The following CEP112 variants were observed in gnomAD, a reference collection of about 807,000 sequenced individuals.
The protein encoded by CEP112 is centrosomal protein of 112 kDa.
A neutral mutation model predicts 153.0 loss-of-function variants in CEP112; 127 were observed. The observed-to-expected ratio is 0.83, with a 90% CI of 0.72 to 0.96. The LOEUF is 0.96. Ranked by LOEUF, CEP112 falls within the 40% of genes least tolerant of loss-of-function variation. CEP112 has a pLI of 0.00. For synonymous variants in CEP112, 358 were observed against 374.4 expected (o/e 0.96, Z 0.51); for missense variants, 1,089 against 1,101.2 (o/e 0.99, Z 0.16).
chr17:66,017,531 T>C (rs985414477), intron 16 of CEP112, among the ~76,000 whole-genome samples: 1 of 152,220 alleles, frequency 6.6e-6, no homozygotes, highest in African/African-American at 2.4e-5. Flanking sequence ...AATTTGTTTT[T>C]TCTTAATTGA....
intron 4 of CEP112, among the ~76,000 whole-genome samples, chr17:66,152,609 GAA>G (rs1248058736): frequency 6.6e-6 from 1 of 152,020 alleles, no homozygotes; most frequent in Admixed American, 6.5e-5. Flanking sequence ...TGTGAAGATC[GAA>G]AAGATAAAAG....
rs376588901 is a variant in CEP112, at chr17:66,158,641, C to A, written c.470+16403G>T. Among the ~76,000 whole-genome samples, 15 of 152,166 alleles carry A rather than the reference C, an allele frequency of 9.9e-5. 1 individual carries two copies. The South Asian group carries it at 3.1e-3, about 32-fold the overall frequency. On this transcript the variant is annotated intron_variant, in intron 4 of 26. Coordinates refer to ENST00000535342, the MANE Select transcript of CEP112 (RefSeq NM_001199165.4). ...AAATAAAAAAAGAAATAAAGTTGTT[C>A]TTTGAAACCAATGAGAACAAACACA...
At chr17:66,025,725 C>G (rs1425094702) in intron 16 of CEP112, among the ~76,000 whole-genome samples, 1 of 151,872 alleles carries the variant, frequency 6.6e-6, no homozygotes, top group Non-Finnish European at 1.5e-5. Context: ...GTATAATCTC[C>G]AAGGAAAACA....
intron 18 of CEP112, among the ~76,000 whole-genome samples, chr17:65,948,506 T>C (rs1251252058): frequency 6.6e-6 from 1 of 152,050 alleles, no homozygotes; most frequent in Admixed American, 6.6e-5. Context: ...ATAGCTGTCT[T>C]TTTCAGTCAT....
intron 17 of CEP112, among the ~76,000 whole-genome samples, chr17:65,980,298 G>A (rs2063182898): frequency 6.6e-6 from 1 of 152,174 alleles, no homozygotes; most frequent in Non-Finnish European, 1.5e-5. Context: ...AGTTTTAAAA[G>A]ACCATTGTTA....
chr17:65,756,405 C>CAAAAAA (rs766476895), intron 21 of CEP112, among the ~76,000 whole-genome samples: 18 of 30,518 alleles, frequency 5.9e-4, no homozygotes, highest in East Asian at 1.5e-3. Context: ...GACTCCGTCT[C>CAAAAAA]AAAAAAAAAA....
chr17:65,703,537 A>AGC, intron 23 of CEP112, among the ~76,000 whole-genome samples: 1 of 150,034 alleles, frequency 6.7e-6, no homozygotes, highest in South Asian at 2.1e-4. Context: ...AAAAAAAAAA[A>AGC]AAGCTAAGGT....
Position 66,175,078 on chromosome 17 carries a change from T to C in CEP112, c.436A>G (p.Asn146Asp), listed in dbSNP as rs761174997. Reference sequence around the variant, plus strand: ...TCAGTTGGCGACTGTACTAAAGTGTTATCTTCTCCAGAAGAGAGTTTCCAT... The same window carrying C: ...TCAGTTGGCGACTGTACTAAAGTGTCATCTTCTCCAGAAGAGAGTTTCCAT... ...ESWKLSSGED[N>D]TLVQSPTDVY... Residue 146 changes from asparagine to aspartate, a missense_variant, in exon 4 of 27, where the codon AAC becomes GAC. By Grantham distance (23) the Asn-to-Asp change is conservative (BLOSUM62 1). Coordinates refer to ENST00000535342, the MANE Select transcript of CEP112 (RefSeq NM_001199165.4). 19 of 1,612,326 alleles carry C rather than the reference T, an allele frequency of 1.2e-5. No homozygotes were observed. The South Asian group carries it at 2.0e-4, about 17-fold the overall frequency.
At chr17:66,054,170 T>C (rs1443470114) in intron 11 of CEP112, among the ~76,000 whole-genome samples, 1 of 152,192 alleles carries the variant, frequency 6.6e-6, no homozygotes, top group Non-Finnish European at 1.5e-5. Context: ...ATCAGGCAGA[T>C]AATACAAGTG....
chr17:66,126,163 C>T (rs2069840749), intron 6 of CEP112, among the ~76,000 whole-genome samples: 1 of 152,164 alleles, frequency 6.6e-6, no homozygotes, highest in Non-Finnish European at 1.5e-5. Context: ...TTCACAAGCA[C>T]ATTCTAGAAA....
chr17:65,636,242 C>T (rs146882738), intron 26 of CEP112, among the ~76,000 whole-genome samples: 86 of 152,264 alleles, frequency 5.6e-4, no homozygotes, highest in Non-Finnish European at 9.6e-4. Context: ...ACAGGAAGGG[C>T]GTTTGATGGA....
At chr17:66,024,434 C>G (rs1481020429) in intron 16 of CEP112, among the ~76,000 whole-genome samples, 1 of 151,852 alleles carries the variant, frequency 6.6e-6, no homozygotes, top group Non-Finnish European at 1.5e-5. Flanking sequence ...TTTCTCCCCC[C>G]AAAAACCTCT....
intron 18 of CEP112, among the ~76,000 whole-genome samples, chr17:65,937,555 C>G (rs530597869): frequency 2.3e-5 from 2 of 88,852 alleles, no homozygotes; most frequent in Middle Eastern, 5.2e-3. Flanking sequence ...CCGCCCCGTC[C>G]GGGAGGGAGG....
At chr17:65,654,208 G>A (rs1371205617) in intron 24 of CEP112, among the ~76,000 whole-genome samples, 1 of 152,076 alleles carries the variant, frequency 6.6e-6, no homozygotes. Context: ...TGTTGCCACA[G>A]CAACTGCCAA....
chr17:65,647,893 A>T (rs760170343), intron 24 of CEP112, among the ~76,000 whole-genome samples: 4 of 152,110 alleles, frequency 2.6e-5, no homozygotes, highest in South Asian at 2.1e-4. Context: ...GAACTGCTTG[A>T]CTATGAAACA....
intron 8 of CEP112, among the ~76,000 whole-genome samples, chr17:66,077,027 AC>A (rs2067528947): frequency 6.6e-6 from 1 of 152,058 alleles, no homozygotes; most frequent in Admixed American, 6.6e-5. Context: ...TCAAGGGAAT[AC>A]CCCGTGGGAA....
At chr17:65,638,153 G>A (rs1465791846) in intron 25 of CEP112, among the ~76,000 whole-genome samples, 1 of 152,190 alleles carries the variant, frequency 6.6e-6, no homozygotes, top group African/African-American at 2.4e-5. Context: ...CCCCCAGACC[G>A]CCATTCTTAG....
chr17:66,029,074 C>T, intron 14 of CEP112, 49 bp downstream of exon 14: 1 of 1,434,316 alleles, frequency 7.0e-7, no homozygotes, highest in Non-Finnish European at 9.6e-7. Context: ...TGGCTCTAGG[C>T]TTAGTGAATA....
intron 23 of CEP112, among the ~76,000 whole-genome samples, chr17:65,726,263 C>T (rs1409918577): frequency 5.3e-5 from 8 of 151,864 alleles, no homozygotes; most frequent in East Asian, 3.9e-4. Context: ...CGTTTGAACC[C>T]GGGAGGCAGA....
Sources: allele counts gnomAD v4.1 joint callset (sites outside exome capture counted in the v4.1 genomes callset), GRCh38; gene constraint gnomAD v4.1.1; transcripts MANE v1.5; gene names NCBI Gene and HGNC (gene_info 2026-07-23, HGNC 2026-07-21).